Variants in LRBA observed in about 807,000 individuals in gnomAD.
LRBA encodes lipopolysaccharide-responsive and beige-like anchor protein.
Under a neutral mutation model 330.0 loss-of-function variants are expected in LRBA, and 176 were observed. The ratio of observed to expected loss-of-function variants is 0.53; its 90% confidence interval spans 0.47 to 0.60. The LOEUF (loss-of-function observed/expected upper bound fraction) is 0.60, where lower values mean the gene tolerates loss of function less well. Ranked by LOEUF, LRBA falls within the 20% of genes least tolerant of loss-of-function variation. LRBA has a pLI of 0.00. For missense variants in LRBA, 3,259 were observed against 3,444.8 expected, an observed-to-expected ratio of 0.95 and a Z score of 1.35; for synonymous variants, 1,230 against 1,193.0, an observed-to-expected ratio of 1.03 and a Z score of -0.64.
At chr4:150,519,050 T>C (rs1228485145) in intron 40 of LRBA, among the ~76,000 whole-genome samples, 1 of 152,168 alleles carries the variant, frequency 6.6e-6, no homozygotes, top group East Asian at 1.9e-4. Context: ...TTTCCTTTGG[T>C]TTATTTTACT....
intron 36 of LRBA, among the ~76,000 whole-genome samples, chr4:150,685,096 G>A (rs1353755471): frequency 1.3e-5 from 2 of 151,808 alleles, no homozygotes; most frequent in Admixed American, 1.3e-4. Context: ...AGTATTGGAA[G>A]CTCTCTGTAC....
At chr4:150,276,107 A>T (rs902600516) in intron 56 of LRBA, among the ~76,000 whole-genome samples, 3 of 152,206 alleles carry the variant, frequency 2.0e-5, no homozygotes, top group Non-Finnish European at 4.4e-5. Context: ...GGAACAGAAC[A>T]GAGGCCTCAG....
At chr4:150,721,148 T>A in intron 36 of LRBA, 1 of 587,164 alleles carries the variant, frequency 1.7e-6, no homozygotes, top group Non-Finnish European at 3.3e-6. Context: ...TTGAGCAATG[T>A]GCAATGGCCA....
intron 26 of LRBA, among the ~76,000 whole-genome samples, chr4:150,845,990 G>C (rs1749788278): frequency 6.6e-6 from 1 of 152,090 alleles, no homozygotes; most frequent in Admixed American, 6.5e-5. Flanking sequence ...CAGGAAACAA[G>C]AATGAGGACA....
At chr4:150,373,947 G>A (rs1262846685) in intron 47 of LRBA, among the ~76,000 whole-genome samples, 1 of 151,976 alleles carries the variant, frequency 6.6e-6, no homozygotes, top group Non-Finnish European at 1.5e-5. Flanking sequence ...CCTTTTCTGA[G>A]ACTATTATCT....
intron 37 of LRBA, among the ~76,000 whole-genome samples, chr4:150,650,776 C>T (rs1261118054): frequency 6.6e-6 from 1 of 151,804 alleles, no homozygotes; most frequent in African/African-American, 2.4e-5. Flanking sequence ...TGTTTTACTT[C>T]ATTAGACAAA....
At chr4:150,290,972 A>G (rs1161001699) in intron 53 of LRBA, among the ~76,000 whole-genome samples, 1 of 152,086 alleles carries the variant, frequency 6.6e-6, no homozygotes, top group African/African-American at 2.4e-5. Context: ...ATTTTTTATT[A>G]TACTTTAAGT....
chr4:150,343,962 C>T (rs1025851223), intron 48 of LRBA, among the ~76,000 whole-genome samples: 14 of 152,180 alleles, frequency 9.2e-5, no homozygotes, highest in Admixed American at 5.9e-4. Flanking sequence ...CGTCTACTCT[C>T]CAATCTGAGA....
chr4:150,744,328 A>G (rs938397066), intron 35 of LRBA, among the ~76,000 whole-genome samples: 2 of 152,148 alleles, frequency 1.3e-5, no homozygotes, highest in Admixed American at 1.3e-4. Flanking sequence ...ATGGCACACT[A>G]TCCTACTAGT....
intron 28 of LRBA, among the ~76,000 whole-genome samples, chr4:150,835,269 G>T (rs1240545094): frequency 6.6e-6 from 1 of 152,172 alleles, no homozygotes; most frequent in Non-Finnish European, 1.5e-5. Flanking sequence ...TTTGGCTTAA[G>T]ATTACATTGG....
chr4:150,516,658 T>C lies in LRBA; in HGVS notation c.6331-25623A>G, dbSNP rs555586035. 5.9e-5 allele frequency among the ~76,000 whole-genome samples: 9 copies of C among 151,926 alleles called. No individual in the cohort carries two copies. The East Asian group carries it at 1.5e-3, about 26-fold the overall frequency. On this transcript the variant is annotated intron_variant, in intron 40 of 56. Coordinates refer to ENST00000651943, the MANE Select transcript of LRBA (RefSeq NM_001364905.1). ...GCATTTTAAAAATGCTGAAGTTTAT[T>C]AGTAGTACTAAAAAAGACATTAAAA... is the stretch of plus-strand genomic sequence containing the variant.
At chr4:150,847,436 C>T (rs958755143) in intron 26 of LRBA, among the ~76,000 whole-genome samples, 3 of 152,030 alleles carry the variant, frequency 2.0e-5, no homozygotes, top group Admixed American at 6.6e-5. Context: ...CTATTAAATA[C>T]TTTGAATAGC....
chr4:150,980,367 T>C lies in LRBA; in HGVS notation c.216+34060A>G, dbSNP rs114566094. On this transcript the variant is annotated intron_variant, in intron 2 of 56. Coordinates refer to ENST00000651943, the MANE Select transcript of LRBA (RefSeq NM_001364905.1). Reference sequence around the variant, plus strand: ...CCATATATGACAACCACAGATAGTATCATACTGATGGGGGAAAAACTGAAA... The same window carrying C: ...CCATATATGACAACCACAGATAGTACCATACTGATGGGGGAAAAACTGAAA... Among the ~76,000 whole-genome samples, 330 of 152,242 alleles carry C rather than the reference T, an allele frequency of 2.2e-3. 4 individuals carry two copies. The highest frequency in any genetic ancestry group is 4.1e-3 in the Admixed American group (63 of 15,296).
At chr4:150,396,994 A>G (rs1744821394) in intron 47 of LRBA, among the ~76,000 whole-genome samples, 1 of 152,220 alleles carries the variant, frequency 6.6e-6, no homozygotes, top group African/African-American at 2.4e-5. Context: ...ATAATAACTA[A>G]TCATTAAAAA....
chr4:150,309,978 A>G (rs1255808346), intron 52 of LRBA, among the ~76,000 whole-genome samples: 1 of 152,210 alleles, frequency 6.6e-6, no homozygotes, highest in Non-Finnish European at 1.5e-5. Flanking sequence ...TGAATCATTT[A>G]TTCTGTAAGC....
At chr4:150,543,099 CT>C (rs2152228649) in intron 40 of LRBA, among the ~76,000 whole-genome samples, 1 of 152,250 alleles carries the variant, frequency 6.6e-6, no homozygotes, top group East Asian at 1.9e-4. Flanking sequence ...AAATGTCTAT[CT>C]TTTCTACATG....
rs1431737283 is a variant in LRBA at position 150,314,556 on chromosome 4, A to C, written c.7693+1005T>G. Among the ~76,000 whole-genome samples, 6 of 152,294 alleles carry C rather than the reference A, an allele frequency of 3.9e-5. No individual in the cohort carries two copies. The East Asian group carries it at 7.7e-4, about 20-fold the overall frequency. On this transcript the variant is annotated intron_variant, in intron 51 of 56. Coordinates refer to ENST00000651943, the MANE Select transcript of LRBA (RefSeq NM_001364905.1). ...AACATCTTGGATTTTAAAATAATAAATCTGCTTCATTCATATGCTTTCTTT... is the reference window on the plus strand; with the variant it reads ...AACATCTTGGATTTTAAAATAATAACTCTGCTTCATTCATATGCTTTCTTT...
chr4:150,270,874 T>C (rs1745992728), intron 56 of LRBA, among the ~76,000 whole-genome samples: 1 of 152,208 alleles, frequency 6.6e-6, no homozygotes, highest in African/African-American at 2.4e-5. Flanking sequence ...TACAGCTCTT[T>C]CAATTTTATT....
intron 40 of LRBA, among the ~76,000 whole-genome samples, chr4:150,575,500 T>A (rs896892448): frequency 4.6e-5 from 7 of 151,882 alleles, no homozygotes; most frequent in Non-Finnish European, 8.8e-5. Flanking sequence ...CATTTTTAAA[T>A]AAAATGTTTA....
Sources: gnomAD v4.1 joint callset for allele counts (sites outside exome capture counted in the v4.1 genomes callset) on GRCh38, gnomAD v4.1.1 for gene constraint, MANE v1.5 for transcripts, NCBI Gene and HGNC (gene_info 2026-07-23, HGNC 2026-07-21) for gene names.